SEC24B: variants seen among roughly 807,000 people sequenced by gnomAD.
SEC24B encodes the protein SEC24 homolog B, COPII component.
Under a neutral mutation model 142.8 loss-of-function variants are expected in SEC24B, and 45 were observed. The observed-to-expected ratio is 0.32, with a 90% CI of 0.25 to 0.40. SEC24B has a LOEUF of 0.40. Among genes scored for constraint, SEC24B ranks in the 10% least tolerant of loss-of-function variants. The pLI is 1.00. For synonymous variants in SEC24B, 574 were observed against 568.2 expected, an observed-to-expected ratio of 1.01 and a Z score of -0.15; for missense variants, 1,409 against 1,526.8, an observed-to-expected ratio of 0.92 and a Z score of 1.29.
At chr4:109,444,649 C>G (rs1436785520) in intron 1 of SEC24B, among the ~76,000 whole-genome samples, 1 of 151,952 alleles carries the variant, frequency 6.6e-6, no homozygotes, top group African/African-American at 2.4e-5. Flanking sequence ...GGGGGTAGAT[C>G]TTGTGATAAT....
chr4:109,512,355 G>T (rs1737431192), intron 9 of SEC24B, among the ~76,000 whole-genome samples: 1 of 152,162 alleles, frequency 6.6e-6, no homozygotes, highest in Non-Finnish European at 1.5e-5. Flanking sequence ...GACTAGTTAT[G>T]CTTGTCCCTG....
At chr4:109,523,920 A>G (rs943289522) in intron 14 of SEC24B, among the ~76,000 whole-genome samples, 4 of 152,222 alleles carry the variant, frequency 2.6e-5, no homozygotes, top group Non-Finnish European at 5.9e-5. Flanking sequence ...AAAAAAAGGC[A>G]CCATATTTCA....
At chr4:109,453,094 T>C (rs1400416409) in intron 1 of SEC24B, among the ~76,000 whole-genome samples, 1 of 152,126 alleles carries the variant, frequency 6.6e-6, no homozygotes, top group Non-Finnish European at 1.5e-5. Context: ...ACCAGCAAGT[T>C]TTTATTAGCA....
At chr4:109,494,920 G>T (rs558967583) in intron 6 of SEC24B, 64 bp downstream of exon 6, 4 of 1,581,888 alleles carry the variant, frequency 2.5e-6, no homozygotes, top group South Asian at 1.1e-5. Flanking sequence ...CAAGTTACTG[G>T]TGGGATTTGT....
At chr4:109,517,528 C>T (rs923079038) in intron 11 of SEC24B, among the ~76,000 whole-genome samples, 5 of 151,966 alleles carry the variant, frequency 3.3e-5, no homozygotes, top group African/African-American at 7.3e-5. Context: ...TGTTGTACAA[C>T]GTGATGACTA....
chr4:109,533,457 A>G (rs567513548), intron 21 of SEC24B, 136 bp from the exon 22 acceptor site: 1 of 651,846 alleles, frequency 1.5e-6, no homozygotes, highest in South Asian at 1.8e-5. Context: ...ATATAGATTC[A>G]CAATGTAACA....
intron 17 of SEC24B, 60 bp downstream of exon 17, chr4:109,526,459 G>A: frequency 7.8e-7 from 1 of 1,280,410 alleles, no homozygotes; most frequent in South Asian, 1.4e-5. Flanking sequence ...CTTTCACATG[G>A]CCTTTAGTGG....
At chr4:109,537,999 C>T (rs1030036223) in intron 22 of SEC24B, among the ~76,000 whole-genome samples, 3 of 151,978 alleles carry the variant, frequency 2.0e-5, no homozygotes, top group South Asian at 2.1e-4. Flanking sequence ...AAAATAGTCT[C>T]GCGTATAGTT....
chr4:109,513,430 C>T (rs111236149), intron 9 of SEC24B, among the ~76,000 whole-genome samples: 1 of 151,616 alleles, frequency 6.6e-6, no homozygotes, highest in African/African-American at 2.4e-5. Flanking sequence ...ATTACAGGCG[C>T]ACACCACTAT....
chr4:109,505,014 A>G (rs527520035), intron 6 of SEC24B, among the ~76,000 whole-genome samples: 1 of 152,250 alleles, frequency 6.6e-6, no homozygotes, highest in Non-Finnish European at 1.5e-5. Context: ...TGTTTAGCTT[A>G]TATAAATAGA....
chr4:109,447,041 G>A (rs1729541242), intron 1 of SEC24B, among the ~76,000 whole-genome samples: 1 of 152,068 alleles, frequency 6.6e-6, no homozygotes, highest in Non-Finnish European at 1.5e-5. Flanking sequence ...TTATATAATG[G>A]CATGCATTCA....
At chr4:109,452,915 C>T (rs878924443) in intron 1 of SEC24B, among the ~76,000 whole-genome samples, 38 of 152,064 alleles carry the variant, frequency 2.5e-4, no homozygotes, top group African/African-American at 4.3e-4. Flanking sequence ...CGGGGGAACC[C>T]GCCTCCAATA....
At chr4:109,446,432 C>A (rs1729468736) in intron 1 of SEC24B, among the ~76,000 whole-genome samples, 1 of 152,230 alleles carries the variant, frequency 6.6e-6, no homozygotes, top group Non-Finnish European at 1.5e-5. Context: ...TGTCCCTTGA[C>A]ACTTTGTAGC....
In SEC24B at chr4:109,525,043, A is replaced by G. The variant is rs6812469; in HGVS notation, c.2632+102A>G. ...GCATTCTCTATATTTTAGGGAGAAA[A>G]GCATGTGCATTAGATAGACAATATC... On this transcript the variant is annotated intron_variant, in intron 15 of 23. Transcript: ENST00000265175. The G allele has an allele frequency of 0.2, 215,470 of 1,091,960 alleles. 31,012 individuals are homozygous for G. Among genetic ancestry groups the G allele is most frequent in the African/African-American group, 0.71 (44,937 of 63,046 alleles). 67.6% of individuals were successfully genotyped at this position (1,091,960 alleles called of 1,614,324 possible). A position where few individuals can be genotyped will look rare whatever the true frequency, so the allele number is the denominator to read the frequency against.
intron 1 of SEC24B, among the ~76,000 whole-genome samples, chr4:109,452,100 T>C (rs1180128169): frequency 1.3e-5 from 2 of 151,912 alleles, no homozygotes; most frequent in Non-Finnish European, 2.9e-5. Flanking sequence ...GTTCTTATAG[T>C]CAGTACCTCT....
intron 2 of SEC24B, among the ~76,000 whole-genome samples, chr4:109,466,374 A>C (rs532950693): frequency 5.0e-4 from 76 of 152,322 alleles, no homozygotes; most frequent in African/African-American, 1.8e-3. Context: ...TTTCACATTA[A>C]AATGAAAATC....
At chr4:109,530,640 G>A (rs919148790) in intron 19 of SEC24B, among the ~76,000 whole-genome samples, 176 bp downstream of exon 19, 6 of 152,046 alleles carry the variant, frequency 3.9e-5, no homozygotes, top group Non-Finnish European at 8.8e-5. Context: ...GGTGGCTCAC[G>A]CCTGTAATCC....
At chr4:109,462,009 G>T (rs182922934) in intron 1 of SEC24B, among the ~76,000 whole-genome samples, 280 of 152,266 alleles carry the variant, frequency 1.8e-3, no homozygotes, top group African/African-American at 6.5e-3. Flanking sequence ...GGGCAACACA[G>T]TGAGAGCCTG....
rs140098897 is a variant in SEC24B, at chr4:109,443,886, G to A, written c.133+9884G>A. Among the ~76,000 whole-genome samples the A allele has an allele frequency of 1.7e-4, 26 of 152,202 alleles. No homozygotes were observed. The East Asian group carries it at 4.6e-3, about 27-fold the overall frequency. On this transcript the variant is annotated intron_variant, in intron 1 of 23. Transcript: ENST00000265175. ...ATCAAAGGTAAGGAATTTAAAAAAC[G>A]TACTCTGAGCAGTGCAGGGGTACAA...
Sources: gnomAD v4.1 joint callset for allele counts (sites outside exome capture counted in the v4.1 genomes callset) on GRCh38, gnomAD v4.1.1 for gene constraint, MANE v1.5 for transcripts, NCBI Gene and HGNC (gene_info 2026-07-23, HGNC 2026-07-21) for gene names.